Variants in CATSPERT observed in about 807,000 individuals in gnomAD.
CATSPERT encodes catsper channel auxiliary subunit tau, also known as cation channel sperm-associated targeting subunit tau.
chr2:201,498,973 A>G, the CATSPERT span, among the ~76,000 whole-genome samples: 3 of 151,442 alleles, frequency 2.0e-5, no homozygotes, highest in African/African-American at 7.3e-5. Context: ...AAAAAAAGGA[A>G]AGGGAGTTCC....
the CATSPERT span, chr2:201,575,465 G>A: frequency 4.3e-6 from 2 of 460,752 alleles, no homozygotes; most frequent in Non-Finnish European, 7.4e-6. Context: ...TGCACAGCAG[G>A]AAATGAGTGG....
chr2:201,502,401 G>A, the CATSPERT span, among the ~76,000 whole-genome samples: 3 of 151,790 alleles, frequency 2.0e-5, no homozygotes, highest in Admixed American at 1.3e-4. Flanking sequence ...ATGAAACCCC[G>A]TCTCTACTAA....
the CATSPERT span, among the ~76,000 whole-genome samples, chr2:201,538,729 G>C: frequency 1.3e-5 from 2 of 152,028 alleles, no homozygotes; most frequent in African/African-American, 2.4e-5. Flanking sequence ...GTAAACGTGT[G>C]TCATGGGGGT....
At chr2:201,545,629 CAAAAAAAAAAA>C in the CATSPERT span, 80 of 156,404 alleles carry the variant, frequency 5.1e-4, no homozygotes, top group South Asian at 1.5e-3. Context: ...TTCCTAGAAG[CAAAAAAAAAAA>C]AAAAAAAAAA....
chr2:201,602,253 T>A, the CATSPERT span, among the ~76,000 whole-genome samples: 1 of 152,154 alleles, frequency 6.6e-6, no homozygotes, highest in African/African-American at 2.4e-5. Flanking sequence ...GATTAACCTA[T>A]TTTTAATTTT....
the CATSPERT span, chr2:201,550,767 G>A: frequency 4.0e-5 from 6 of 151,568 alleles, no homozygotes; most frequent in Admixed American, 2.0e-4. Flanking sequence ...AAATTTATTC[G>A]GATCATTAAG....
the CATSPERT span, chr2:201,535,008 TAAATC>T: frequency 6.6e-5 from 35 of 529,054 alleles, no homozygotes; most frequent in Non-Finnish European, 4.8e-6. Flanking sequence ...ATAAAATTGT[TAAATC>T]TAGCAGTAGA....
At chr2:201,498,746 C>T in the CATSPERT span, among the ~76,000 whole-genome samples, 1 of 152,142 alleles carries the variant, frequency 6.6e-6, no homozygotes, top group Non-Finnish European at 1.5e-5. Flanking sequence ...CTCTTGGACC[C>T]TTCGTTATCA....
At chr2:201,607,008 T>C in the CATSPERT span, among the ~76,000 whole-genome samples, 2 of 149,870 alleles carry the variant, frequency 1.3e-5, no homozygotes, top group African/African-American at 2.5e-5. Context: ...CAAACAACTA[T>C]AATAAATAGT....
At chr2:201,536,218 G>T in the CATSPERT span, 4 of 1,613,416 alleles carry the variant, frequency 2.5e-6, no homozygotes, top group South Asian at 1.1e-5. Context: ...GTGGGTGAAG[G>T]TGTTGATTCA....
the CATSPERT span, among the ~76,000 whole-genome samples, chr2:201,530,906 C>T: frequency 4.6e-5 from 7 of 151,512 alleles, no homozygotes; most frequent in African/African-American, 1.2e-4. Flanking sequence ...AATGTATTCC[C>T]AGAGCAAATG....
At chr2:201,503,941 A>G in the CATSPERT span, among the ~76,000 whole-genome samples, 1 of 152,170 alleles carries the variant, frequency 6.6e-6, no homozygotes, top group Admixed American at 6.5e-5. Context: ...TAAGGATTCT[A>G]CTTACTCTCA....
At chr2:201,584,858 T>A in the CATSPERT span, among the ~76,000 whole-genome samples, 1 of 151,936 alleles carries the variant, frequency 6.6e-6, no homozygotes, top group Non-Finnish European at 1.5e-5. Context: ...TCAATCCAGG[T>A]TAAGCAGCCA....
the CATSPERT span, among the ~76,000 whole-genome samples, chr2:201,600,515 A>G: frequency 6.6e-6 from 1 of 152,284 alleles, no homozygotes; most frequent in Middle Eastern, 3.4e-3. Flanking sequence ...CAGCAAGCCA[A>G]CATGGCACAT....
At chr2:201,564,119 C>G in the CATSPERT span, among the ~76,000 whole-genome samples, 4 of 152,320 alleles carry the variant, frequency 2.6e-5, no homozygotes, top group East Asian at 7.7e-4. Context: ...TAAGTTACCT[C>G]ATGTGCCTCA....
At chr2:201,567,608 G>A in the CATSPERT span, among the ~76,000 whole-genome samples, 841 of 152,318 alleles carry the variant, frequency 5.5e-3, 7 homozygotes, top group African/African-American at 0.019. Context: ...TTCAGTTTGA[G>A]TCCAAAGGCA....
At chr2:201,612,755 C>T in the CATSPERT span, among the ~76,000 whole-genome samples, 3 of 152,014 alleles carry the variant, frequency 2.0e-5, no homozygotes, top group Non-Finnish European at 4.4e-5. Flanking sequence ...GGTGGGGCAT[C>T]GCCTCACCCA....
At chr2:201,608,860 A>T in the CATSPERT span, among the ~76,000 whole-genome samples, 3 of 151,736 alleles carry the variant, frequency 2.0e-5, no homozygotes, top group African/African-American at 7.2e-5. Context: ...GAAAGAAAAA[A>T]GAAAAGAGAA....
At chr2:201,619,174 C>G in the CATSPERT span, 2 of 1,601,150 alleles carry the variant, frequency 1.2e-6, no homozygotes, top group Non-Finnish European at 1.7e-6. Context: ...CGACGGCCCG[C>G]TACTGCGCAG....
Sources: gnomAD v4.1 joint callset for allele counts (sites outside exome capture counted in the v4.1 genomes callset) on GRCh38, gnomAD v4.1.1 for gene constraint, MANE v1.5 for transcripts, NCBI Gene and HGNC (gene_info 2026-07-23, HGNC 2026-07-21) for gene names.